Variants in EYS observed in about 807,000 individuals in gnomAD.
EYS encodes protein eyes shut homolog.
EYS carries 250 observed loss-of-function variants against 282.1 expected under a neutral mutation model. That is an observed-to-expected ratio of 0.89 (90% CI 0.80 to 0.98). The LOEUF (loss-of-function observed/expected upper bound fraction) is 0.98. Among genes scored for constraint, EYS ranks in the 50% least tolerant of loss-of-function variants. EYS has a pLI of 0.00. For synonymous variants in EYS, 1,355 were observed against 1,282.9 expected, an observed-to-expected ratio of 1.06 and a Z score of -1.20; for missense variants, 4,016 against 3,709.0, an observed-to-expected ratio of 1.08 and a Z score of -2.15.
chr6:64,323,016 C>A (rs923784975), intron 29 of EYS, among the ~76,000 whole-genome samples: 2 of 152,086 alleles, frequency 1.3e-5, no homozygotes, highest in African/African-American at 4.8e-5. Context: ...ACTAATTTCC[C>A]ATGATTTCTT....
intron 28 of EYS, among the ~76,000 whole-genome samples, chr6:64,393,399 C>T (rs574599159): frequency 1.1e-4 from 16 of 152,250 alleles, no homozygotes; most frequent in African/African-American, 3.9e-4. Context: ...ACTGGCAAAA[C>T]GAATCCAGCA....
chr6:64,712,720 T>C (rs1038215636), intron 22 of EYS, among the ~76,000 whole-genome samples: 1 of 152,240 alleles, frequency 6.6e-6, no homozygotes, highest in Non-Finnish European at 1.5e-5. Flanking sequence ...TTAGTGCCAC[T>C]GCAGTAATTT....
chr6:64,178,073 T>C (rs578028192), intron 31 of EYS, among the ~76,000 whole-genome samples: 40 of 152,220 alleles, frequency 2.6e-4, no homozygotes, highest in Non-Finnish European at 4.9e-4. Context: ...TTTTTCTTCC[T>C]TGGAATAAAA....
intron 2 of EYS, among the ~76,000 whole-genome samples, chr6:65,618,506 T>C (rs354377): frequency 0.86 from 130,258 of 151,508 alleles, 55,620 homozygotes; most frequent in East Asian, 0.97. Context: ...TGTAGGTTGC[T>C]TGTTCACTCT....
Position 65,353,625 on chromosome 6 carries a change from A to T in EYS, c.1300-8T>A, listed in dbSNP as rs1411394210. On this transcript the variant is annotated splice_polypyrimidine_tract_variant and splice_region_variant and intron_variant, in intron 8 of 42. Coordinates refer to ENST00000503581, the MANE Select transcript of EYS (RefSeq NM_001142800.2). Reference sequence around the variant, plus strand: ...CCCTGGAATGCATACATACTGCAAAAAGGAAACAAGGAAAAATGGTAAATT... The same window carrying T: ...CCCTGGAATGCATACATACTGCAAATAGGAAACAAGGAAAAATGGTAAATT... The T allele has an allele frequency of 6.2e-7, 1 of 1,606,506 alleles. No homozygotes were observed. The highest frequency in any genetic ancestry group is 1.7e-5 in the Admixed American group (1 of 59,954).
rs1012473124 is a variant in EYS, at chr6:64,842,066, A to C, written c.2993-19244T>G. Among the ~76,000 whole-genome samples the C allele has an allele frequency of 1.2e-4, 18 of 152,086 alleles. 1 individual carries two copies. Among genetic ancestry groups the C allele is most frequent in the Admixed American group, 4.6e-4 (7 of 15,254 alleles). ...AGATTTTAATGATGTTTGGCACCAA[A>C]TATCATCAGTGTTTGCACTATCTGT... On this transcript the variant is annotated intron_variant, in intron 19 of 42. Transcript: ENST00000503581.
In EYS at chr6:63,942,491, G is replaced by T. The variant is rs146046726; in HGVS notation, c.7055+41892C>A. Among the ~76,000 whole-genome samples the T allele has an allele frequency of 7.3e-3, 1,111 of 152,246 alleles. 16 individuals carry two copies. The highest frequency in any genetic ancestry group is 0.024 in the African/African-American group (987 of 41,564). On this transcript the variant is annotated intron_variant, in intron 35 of 42. Transcript: ENST00000503581. Reference sequence around the variant, plus strand: ...TAGAAAATTAATGGAAGACAACTTGGTGGAGATGTGTGCTTCCAATCAGTG... The same window carrying T: ...TAGAAAATTAATGGAAGACAACTTGTTGGAGATGTGTGCTTCCAATCAGTG...
chr6:64,164,857 A>G (rs1262195673), intron 31 of EYS, among the ~76,000 whole-genome samples: 3 of 152,160 alleles, frequency 2.0e-5, no homozygotes, highest in Admixed American at 1.3e-4. Context: ...AAATAATTCT[A>G]CTAAATAGAA....
At chr6:64,321,727 T>C (rs1416638309) in intron 29 of EYS, among the ~76,000 whole-genome samples, 1 of 151,874 alleles carries the variant, frequency 6.6e-6, no homozygotes, top group African/African-American at 2.4e-5. Flanking sequence ...TGAACTTGGA[T>C]GTTAATGTAG....
intron 12 of EYS, among the ~76,000 whole-genome samples, chr6:65,267,801 C>A (rs1767798000): frequency 6.6e-6 from 1 of 152,032 alleles, no homozygotes; most frequent in East Asian, 1.9e-4. Flanking sequence ...AAATGGAAAT[C>A]TGTTTCCTGC....
At chr6:65,635,894 A>T (rs969993256) in intron 2 of EYS, among the ~76,000 whole-genome samples, 1 of 152,196 alleles carries the variant, frequency 6.6e-6, no homozygotes, top group African/African-American at 2.4e-5. Flanking sequence ...TGAACCAATC[A>T]GCAGCAAGTA....
At chr6:64,653,424 T>A (rs553829083) in intron 22 of EYS, among the ~76,000 whole-genome samples, 1 of 152,330 alleles carries the variant, frequency 6.6e-6, no homozygotes, top group South Asian at 2.1e-4. Context: ...TAACAGTGAC[T>A]GTCTCAGTTA....
chr6:65,423,318 A>T (rs1767536278), intron 5 of EYS, among the ~76,000 whole-genome samples: 1 of 151,960 alleles, frequency 6.6e-6, no homozygotes, highest in Admixed American at 6.6e-5. Context: ...TATTCAATTT[A>T]AAAATACATG....
chr6:63,815,376 C>T (rs992355796), intron 36 of EYS, among the ~76,000 whole-genome samples: 2 of 152,116 alleles, frequency 1.3e-5, no homozygotes, highest in Non-Finnish European at 2.9e-5. Flanking sequence ...AGCCTGTGCT[C>T]TATGTTACCT....
At chr6:65,190,165 C>T (rs139822646) in intron 12 of EYS, among the ~76,000 whole-genome samples, 19 of 150,894 alleles carry the variant, frequency 1.3e-4, no homozygotes, top group East Asian at 3.9e-4. Context: ...TTATAACTTT[C>T]GTGGGCCTAT....
intron 8 of EYS, among the ~76,000 whole-genome samples, chr6:65,372,790 A>G (rs1245101535): frequency 6.6e-6 from 1 of 152,094 alleles, no homozygotes; most frequent in Non-Finnish European, 1.5e-5. Context: ...AAATGAATTG[A>G]AAATAGAGAA....
intron 13 of EYS, among the ~76,000 whole-genome samples, chr6:65,003,222 G>A (rs1771523528): frequency 6.8e-6 from 1 of 147,442 alleles, no homozygotes; most frequent in Admixed American, 6.7e-5. Context: ...GAAAGAGAAT[G>A]TGCACCTGGG....
At chr6:64,549,343 A>G (rs2149804395) in intron 26 of EYS, among the ~76,000 whole-genome samples, 1 of 152,314 alleles carries the variant, frequency 6.6e-6, no homozygotes, top group Non-Finnish European at 1.5e-5. Flanking sequence ...AAAGAATGCA[A>G]CTAATATTTT....
intron 12 of EYS, among the ~76,000 whole-genome samples, chr6:65,262,862 G>T (rs1582076832): frequency 6.6e-6 from 1 of 152,054 alleles, no homozygotes; most frequent in East Asian, 1.9e-4. Context: ...ACTCTATTCA[G>T]TAACTGTCCA....
Sources: gnomAD v4.1 joint callset for allele counts (sites outside exome capture counted in the v4.1 genomes callset) on GRCh38, gnomAD v4.1.1 for gene constraint, MANE v1.5 for transcripts, NCBI Gene and HGNC (gene_info 2026-07-23, HGNC 2026-07-21) for gene names.